Variants in TNIK observed in about 807,000 individuals in gnomAD.
TNIK encodes TRAF2 and NCK interacting kinase, also known as TRAF2 and NCK-interacting protein kinase.
Under a neutral mutation model 191.3 loss-of-function variants are expected in TNIK, and 49 were observed. The ratio of observed to expected loss-of-function variants is 0.26; its 90% CI spans 0.20 to 0.32. The LOEUF is 0.32. TNIK is among the 10% of genes least tolerant of loss of function. The probability of loss-of-function intolerance (pLI) is 1.00; values close to 1 mark genes in which losing one functional copy is unlikely to be tolerated. For missense variants in TNIK, 1,155 were observed against 1,702.3 expected, an observed-to-expected ratio of 0.68 and a Z score of 5.66; for synonymous variants, 594 against 600.9, an observed-to-expected ratio of 0.99 and a Z score of 0.17.
intron 2 of TNIK, among the ~76,000 whole-genome samples, chr3:171,288,530 C>T (rs375979942): frequency 2.0e-5 from 3 of 150,376 alleles, no homozygotes; most frequent in Non-Finnish European, 3.0e-5. Flanking sequence ...AATGGCTGGC[C>T]GAGTGCGGTG....
At chr3:171,228,902 T>C (rs1743279656) in intron 2 of TNIK, among the ~76,000 whole-genome samples, 1 of 152,202 alleles carries the variant, frequency 6.6e-6, no homozygotes. Flanking sequence ...TGTTTGCTCC[T>C]TGAGAAAACA....
rs770870146 is a variant in TNIK at position 171,068,881 on chromosome 3, T to C, written c.3666A>G (p.Ser1222=). The C allele has an allele frequency of 9.2e-5, 149 of 1,613,692 alleles. No individual in the cohort carries two copies. Among genetic ancestry groups the C allele is most frequent in the Non-Finnish European group, 1.2e-4 (139 of 1,179,782 alleles). ...GTATGTAGATATCATAAGAGTTTCC[T>C]GAATCAACATCAATTACATGGAAAC... ...HTGFHVIDVD[S]GNSYDIYIPS... The change falls in exon 30 of 33, where the codon TCA becomes TCG. Residue 1222 remains serine (S), a synonymous_variant. Transcript: ENST00000436636.
rs753856105 is a variant in TNIK at position 171,108,082 on chromosome 3, G to A, written c.2365C>T (p.Arg789Trp). The A allele has an allele frequency of 9.6e-6, 15 of 1,569,084 alleles. No homozygotes were observed. The highest frequency in any genetic ancestry group is 3.7e-5 in the Admixed American group (2 of 53,612). ...VKPEESRDITRPSRPASYKKA... is the reference protein window; with the variant it reads ...VKPEESRDITWPSRPASYKKA... ...GCACTCACAGCTGGTCGACTGGGCC[G>A]GGTAATGTCCCTGGATTCTTCTGGT... Residue 789 changes from arginine (R) to tryptophan (W), a missense_variant, in exon 20 of 33, where the codon CGG becomes TGG. Coordinates refer to ENST00000436636, the MANE Select transcript of TNIK (RefSeq NM_015028.4).
chr3:171,084,008 G>T, intron 26 of TNIK, 147 bp downstream of exon 26: 2 of 1,096,406 alleles, frequency 1.8e-6, no homozygotes, highest in South Asian at 2.3e-5. Flanking sequence ...TTCTCCTGAG[G>T]TCAAGATAGT....
intron 5 of TNIK, 26 bp from the exon 6 acceptor site, chr3:171,190,813 G>A: frequency 6.5e-7 from 1 of 1,537,090 alleles, no homozygotes; most frequent in Non-Finnish European, 8.8e-7. Context: ...GTTAAGAAGG[G>A]TTAATAGGAA....
chr3:171,154,276 A>T (rs1395587991), intron 12 of TNIK, among the ~76,000 whole-genome samples: 1 of 144,034 alleles, frequency 6.9e-6, no homozygotes, highest in African/African-American at 2.6e-5. Flanking sequence ...AAAAAAAAAA[A>T]TTCATGGGAT....
intron 2 of TNIK, among the ~76,000 whole-genome samples, chr3:171,241,491 C>T (rs1394531216): frequency 6.6e-6 from 1 of 152,196 alleles, no homozygotes; most frequent in East Asian, 1.9e-4. Flanking sequence ...GATATTGTCT[C>T]TCTCTTTTAA....
chr3:171,129,141 C>T (rs1263690060), intron 15 of TNIK, among the ~76,000 whole-genome samples: 1 of 152,158 alleles, frequency 6.6e-6, no homozygotes, highest in Non-Finnish European at 1.5e-5. Context: ...AATTCGTGAC[C>T]TGCTAAGAGT....
chr3:171,293,030 C>CA (rs1404897264), intron 2 of TNIK, among the ~76,000 whole-genome samples: 1 of 152,010 alleles, frequency 6.6e-6, no homozygotes, highest in African/African-American at 2.4e-5. Context: ...TCCAGGTGCC[C>CA]ACTGCTTTAC....
intron 1 of TNIK, among the ~76,000 whole-genome samples, chr3:171,439,940 C>T (rs1442480336): frequency 6.6e-6 from 1 of 152,186 alleles, no homozygotes; most frequent in Non-Finnish European, 1.5e-5. Context: ...TCTTGTCTCC[C>T]AGCTGCTCCG....
intron 12 of TNIK, among the ~76,000 whole-genome samples, chr3:171,156,515 C>T (rs1733197187): frequency 6.6e-6 from 1 of 152,254 alleles, no homozygotes; most frequent in African/African-American, 2.4e-5. Flanking sequence ...GTGCGCCTTT[C>T]ATCTGCTGCC....
intron 12 of TNIK, among the ~76,000 whole-genome samples, chr3:171,141,068 T>G (rs542857491): frequency 1.7e-4 from 26 of 152,302 alleles, no homozygotes; most frequent in Admixed American, 9.2e-4. Context: ...TTCTGGAGTA[T>G]TCATTATTAA....
At chr3:171,258,733 C>T (rs1577274108) in intron 2 of TNIK, among the ~76,000 whole-genome samples, 1 of 152,180 alleles carries the variant, frequency 6.6e-6, no homozygotes. Context: ...CCCACTCCAC[C>T]TGGTTCCCAT....
intron 2 of TNIK, among the ~76,000 whole-genome samples, chr3:171,357,403 C>T (rs1215598206): frequency 6.6e-6 from 1 of 151,982 alleles, no homozygotes; most frequent in African/African-American, 2.4e-5. Context: ...ATTCTTCTGC[C>T]TCAGCCTCCC....
At chr3:171,334,298 C>T (rs1484714454) in intron 2 of TNIK, among the ~76,000 whole-genome samples, 1 of 152,238 alleles carries the variant, frequency 6.6e-6, no homozygotes, top group East Asian at 1.9e-4. Flanking sequence ...CACACATACA[C>T]AATCCTCTGC....
At chr3:171,100,499 C>A (rs1191277944) in intron 22 of TNIK, among the ~76,000 whole-genome samples, 4 of 152,024 alleles carry the variant, frequency 2.6e-5, no homozygotes, top group African/African-American at 9.7e-5. Flanking sequence ...GAAATGGCTT[C>A]TTTTTTATAT....
chr3:171,289,007 T>C (rs911196387), intron 2 of TNIK, among the ~76,000 whole-genome samples: 1 of 152,182 alleles, frequency 6.6e-6, no homozygotes, highest in African/African-American at 2.4e-5. Flanking sequence ...CAGGGACGAA[T>C]TGTTCAACTG....
intron 26 of TNIK, among the ~76,000 whole-genome samples, chr3:171,083,905 A>G (rs1056245081): frequency 2.0e-5 from 3 of 152,170 alleles, no homozygotes; most frequent in Non-Finnish European, 4.4e-5. Context: ...GCTTTAGCCT[A>G]TCACTATTGT....
intron 28 of TNIK, among the ~76,000 whole-genome samples, chr3:171,074,358 T>C (rs1325996945): frequency 1.3e-5 from 2 of 152,102 alleles, no homozygotes; most frequent in Non-Finnish European, 2.9e-5. Flanking sequence ...CTGAGGACTC[T>C]AAAAGGGGAG....
Sources: gnomAD v4.1 joint callset for allele counts (sites outside exome capture counted in the v4.1 genomes callset) on GRCh38, gnomAD v4.1.1 for gene constraint, MANE v1.5 for transcripts, NCBI Gene and HGNC (gene_info 2026-07-23, HGNC 2026-07-21) for gene names.